Variants in SETD7 observed in about 807,000 individuals in gnomAD.
SETD7 encodes histone-lysine N-methyltransferase SETD7.
Under a neutral mutation model 41.8 loss-of-function variants are expected in SETD7, and 16 were observed. That is an observed-to-expected ratio of 0.38 (90% CI 0.26 to 0.58). The LOEUF (loss-of-function observed/expected upper bound fraction) is 0.58. SETD7 is among the 20% of genes least tolerant of loss of function. SETD7 has a pLI of 0.64. For synonymous variants in SETD7, 163 were observed against 169.7 expected (o/e 0.96, Z 0.31); for missense variants, 346 against 459.7 (o/e 0.75, Z 2.26).
At position 139,508,770 on chromosome 4, in the gene SETD7, T is replaced by G. The variant is rs1726778707; in HGVS notation, c.*2893A>C. 6.6e-6 allele frequency: 1 copy of G among 152,234 alleles called. No homozygotes were observed. 9.4% of individuals were successfully genotyped at this position (152,234 alleles called of 1,614,324 possible). On this transcript the variant is annotated 3_prime_UTR_variant, in exon 8 of 8. Coordinates refer to ENST00000274031, the MANE Select transcript of SETD7 (RefSeq NM_030648.4). ...GACACATTTCCTTCCCCAGCAGATG[T>G]AAAGTAGAAAAATACATTCTGAGTA...
intron 7 of SETD7, among the ~76,000 whole-genome samples, chr4:139,497,326 G>A (rs181695565): frequency 0.015 from 2,204 of 151,898 alleles, 64 homozygotes; most frequent in African/African-American, 0.047. Flanking sequence ...ATGGTGGCAG[G>A]CACCTGTAAT....
At chr4:139,550,156 A>C (rs1728071108) in intron 1 of SETD7, among the ~76,000 whole-genome samples, 1 of 152,158 alleles carries the variant, frequency 6.6e-6, no homozygotes, top group South Asian at 2.1e-4. Context: ...GATTACAGGC[A>C]AGAACCACCA....
chr4:139,495,115 T>C (rs1726430390), downstream of SETD7, among the ~76,000 whole-genome samples: 1 of 152,236 alleles, frequency 6.6e-6, no homozygotes, highest in Non-Finnish European at 1.5e-5. Flanking sequence ...CCAGTTTGGA[T>C]GGAAATATCT....
chr4:139,533,965 C>CTATGTATG lies in SETD7; in HGVS notation c.171-607_171-600dup, dbSNP rs151148025. ...GATTTATTTAAGTATATCTATATAT[C>CTATGTATG]TATGTATGTATGTATGTATGTATGT... On this transcript the variant is annotated intron_variant, in intron 2 of 7. Transcript: ENST00000274031. Among the ~76,000 whole-genome samples the CTATGTATG allele has an allele frequency of 7.7e-3, 1,148 of 148,536 alleles. 14 individuals carry two copies. Among genetic ancestry groups the CTATGTATG allele is most frequent in the African/African-American group, 0.025 (985 of 38,630 alleles).
intron 4 of SETD7, among the ~76,000 whole-genome samples, chr4:139,528,436 A>G (rs1034519490): frequency 4.6e-5 from 7 of 152,180 alleles, no homozygotes; most frequent in Non-Finnish European, 1.0e-4. Context: ...AACCATTTGA[A>G]ATCAGTTGAA....
chr4:139,516,029 C>T (rs548394184), intron 7 of SETD7, among the ~76,000 whole-genome samples: 21 of 152,128 alleles, frequency 1.4e-4, no homozygotes, highest in African/African-American at 5.1e-4. Flanking sequence ...GGGAAGAACA[C>T]GTTCAGGGGT....
intron 3 of SETD7, among the ~76,000 whole-genome samples, chr4:139,530,969 G>A (rs748962532): frequency 4.6e-5 from 7 of 152,026 alleles, no homozygotes; most frequent in African/African-American, 9.7e-5. Flanking sequence ...TGTATCAGGC[G>A]TCAGGGAGTG....
chr4:139,541,743 G>T (rs1727784629), intron 2 of SETD7, among the ~76,000 whole-genome samples: 1 of 152,214 alleles, frequency 6.6e-6, no homozygotes, highest in Non-Finnish European at 1.5e-5. Context: ...TAATAAGCTG[G>T]TTGTAGTAAC....
chr4:139,503,028 A>G (rs1309374283), downstream of SETD7, among the ~76,000 whole-genome samples: 1 of 151,846 alleles, frequency 6.6e-6, no homozygotes, highest in Non-Finnish European at 1.5e-5. Context: ...AATACAAAAA[A>G]TTAGCGGGGC....
At chr4:139,519,019 C>T (rs1055497116) in intron 6 of SETD7, among the ~76,000 whole-genome samples, 4 of 152,216 alleles carry the variant, frequency 2.6e-5, no homozygotes, top group African/African-American at 9.6e-5. Flanking sequence ...GTGATAGTCC[C>T]TCAACTGATG....
intron 2 of SETD7, among the ~76,000 whole-genome samples, chr4:139,537,832 A>G (rs1310232901): frequency 2.0e-5 from 3 of 152,248 alleles, no homozygotes; most frequent in South Asian, 2.1e-4. Context: ...GTACGTGAGG[A>G]AAGTTTCTTA....
rs56306311 is a variant in SETD7 at position 139,544,290 on chromosome 4, CTAAAATAAAATAAAA to C, written c.170+2615_170+2629del. On this transcript the variant is annotated intron_variant, in intron 2 of 7. Transcript: ENST00000274031. ...CCTGGGCAACGGAGTGAGAACCCAT[CTAAAATAAAATAAAA>C]TAAAATAAAATAAAATAAAATAAAA... Among the ~76,000 whole-genome samples the C allele has an allele frequency of 3.3e-3, 456 of 136,178 alleles. 2 individuals are homozygous for C. The highest frequency in any genetic ancestry group is 0.018 in the East Asian group (86 of 4,726). 89.3% of individuals were successfully genotyped at this position (136,178 alleles called of 152,430 possible). A position where few individuals can be genotyped will look rare whatever the true frequency, so the allele number is the denominator to read the frequency against.
chr4:139,514,403 G>T (rs956951), intron 7 of SETD7, among the ~76,000 whole-genome samples: 7,739 of 152,066 alleles, frequency 0.051, 625 homozygotes, highest in African/African-American at 0.18. Flanking sequence ...TGAATTTCCA[G>T]GCCTAGAGCT....
intron 4 of SETD7, among the ~76,000 whole-genome samples, chr4:139,525,213 T>A (rs1239284514): frequency 6.6e-6 from 1 of 152,150 alleles, no homozygotes; most frequent in Non-Finnish European, 1.5e-5. Context: ...AGACTAAAAT[T>A]TTTATGACAA....
intron 2 of SETD7, among the ~76,000 whole-genome samples, chr4:139,537,100 C>T (rs1028024799): frequency 6.6e-6 from 1 of 152,172 alleles, no homozygotes; most frequent in African/African-American, 2.4e-5. Context: ...CTCAGCCTCC[C>T]AAATAGCCGG....
chr4:139,534,405 C>T (rs372651805), intron 2 of SETD7, among the ~76,000 whole-genome samples: 6 of 151,044 alleles, frequency 4.0e-5, no homozygotes, highest in Non-Finnish European at 5.9e-5. Context: ...TTTTTTTTTT[C>T]GAGAGAGGAT....
intron 2 of SETD7, among the ~76,000 whole-genome samples, chr4:139,537,778 A>C (rs1727678861): frequency 6.6e-6 from 1 of 152,248 alleles, no homozygotes; most frequent in South Asian, 2.1e-4. Flanking sequence ...GTGTTATTCA[A>C]GTGCAGGGAG....
At chr4:139,548,657 T>C (rs1728028109) in intron 1 of SETD7, among the ~76,000 whole-genome samples, 2 of 152,126 alleles carry the variant, frequency 1.3e-5, no homozygotes, top group African/African-American at 2.4e-5. Flanking sequence ...AAAGAATAAA[T>C]ATGCTCTTTA....
At chr4:139,514,317 T>TA (rs1030026448) in intron 7 of SETD7, among the ~76,000 whole-genome samples, 3 of 151,776 alleles carry the variant, frequency 2.0e-5, no homozygotes, top group Non-Finnish European at 2.9e-5. Flanking sequence ...CATATTTCAC[T>TA]AAAAAAAATG....
Sources: allele counts gnomAD v4.1 joint callset (sites outside exome capture counted in the v4.1 genomes callset), GRCh38; gene constraint gnomAD v4.1.1; transcripts MANE v1.5; gene names NCBI Gene and HGNC (gene_info 2026-07-23, HGNC 2026-07-21).